The following GLIPR1L2 variants were observed in gnomAD, a reference collection of about 807,000 sequenced individuals.
GLIPR1L2 encodes GLIPR1 like 2, also known as GLIPR1-like protein 2.
GLIPR1L2 carries 21 observed loss-of-function variants against 28.4 expected under a neutral mutation model. The ratio of observed to expected loss-of-function variants is 0.74; its 90% CI spans 0.52 to 1.06. The LOEUF (loss-of-function observed/expected upper bound fraction) is 1.06. GLIPR1L2 is among the 50% of genes least tolerant of loss of function. The pLI is 0.00. For synonymous variants in GLIPR1L2, 145 were observed against 139.3 expected, an observed-to-expected ratio of 1.04 and a Z score of -0.29; for missense variants, 476 against 416.9, an observed-to-expected ratio of 1.14 and a Z score of -1.23.
intron 3 of GLIPR1L2, among the ~76,000 whole-genome samples, chr12:75,419,738 C>G (rs1043685866): frequency 3.3e-5 from 5 of 152,054 alleles, no homozygotes; most frequent in African/African-American, 1.2e-4. Flanking sequence ...GGGAGGAGAC[C>G]CAGCCAACAA....
intron 3 of GLIPR1L2, among the ~76,000 whole-genome samples, chr12:75,414,069 G>A (rs931592578): frequency 6.6e-6 from 1 of 151,986 alleles, no homozygotes; most frequent in Non-Finnish European, 1.5e-5. Flanking sequence ...GAATATGTCA[G>A]TTTTGTAACA....
chr12:75,423,163 G>T, intron 4 of GLIPR1L2, 174 bp downstream of exon 4: 1 of 1,470,374 alleles, frequency 6.8e-7, no homozygotes, highest in South Asian at 1.5e-5. Context: ...TTTCTAAACT[G>T]CAGAGCTTTT....
chr12:75,424,669 C>G (rs1042892761), intron 4 of GLIPR1L2, among the ~76,000 whole-genome samples: 1 of 151,602 alleles, frequency 6.6e-6, no homozygotes, highest in Non-Finnish European at 1.5e-5. Flanking sequence ...AGGCTGGTCT[C>G]AAACTCCTGG....
chr12:75,413,299 A>C (rs1479466954), intron 2 of GLIPR1L2, among the ~76,000 whole-genome samples: 2 of 151,704 alleles, frequency 1.3e-5, no homozygotes, highest in African/African-American at 4.8e-5. Context: ...TACATATGTA[A>C]CAAACCTGCA....
At chr12:75,426,124 C>A (rs560795353) in intron 4 of GLIPR1L2, among the ~76,000 whole-genome samples, 11 of 152,026 alleles carry the variant, frequency 7.2e-5, no homozygotes, top group Non-Finnish European at 1.5e-4. Context: ...TTACTTGAAT[C>A]TTAAACATTG....
chr12:75,407,618 T>C (rs2045817684), intron 1 of GLIPR1L2, among the ~76,000 whole-genome samples: 1 of 152,138 alleles, frequency 6.6e-6, no homozygotes, highest in South Asian at 2.1e-4. Context: ...AAATTATCTT[T>C]TCTATAATTG....
chr12:75,402,943 C>T (rs1474361883), intron 1 of GLIPR1L2: 4 of 454,584 alleles, frequency 8.8e-6, no homozygotes, highest in African/African-American at 6.0e-5. Flanking sequence ...ATAGTCTTGC[C>T]ACCTACCACA....
At position 75,431,146 on chromosome 12, in the gene GLIPR1L2, G is replaced by A. The variant is rs1320128179; in HGVS notation, c.1020G>A (p.Glu340=). 1.3e-6 allele frequency: 1 copy of A among 780,600 alleles called. No individual in the cohort carries two copies. The highest frequency in any genetic ancestry group is 2.1e-6 in the Non-Finnish European group (1 of 476,318). 48.4% of individuals were successfully genotyped at this position (780,600 alleles called of 1,614,324 possible). A position where few individuals can be genotyped will look rare whatever the true frequency, so the allele number is the denominator to read the frequency against. ...AGGAAACACAAAAAGAAAAGATGGA[G>A]GAAGAGGAAAAATAAGAGTAGAAAG... is the stretch of plus-strand genomic sequence containing the variant. ...EEEETQKEKM[E]EEEK Residue 340 remains glutamate (E), a synonymous_variant, in exon 6 of 6, where the codon GAG becomes GAA. Coordinates refer to ENST00000550916, the MANE Select transcript of GLIPR1L2 (RefSeq NM_001270396.2).
chr12:75,403,418 G>A (rs1373892866), intron 1 of GLIPR1L2, among the ~76,000 whole-genome samples: 1 of 152,050 alleles, frequency 6.6e-6, no homozygotes, highest in Non-Finnish European at 1.5e-5. Flanking sequence ...CTGGACATTT[G>A]TCTTGGCTTC....
intron 2 of GLIPR1L2, among the ~76,000 whole-genome samples, chr12:75,413,163 G>A (rs1415827402): frequency 2.0e-5 from 3 of 150,616 alleles, no homozygotes; most frequent in African/African-American, 4.9e-5. Context: ...CATGGACACA[G>A]GAAGGGGAAC....
chr12:75,391,463 A>C, intron 1 of GLIPR1L2, 113 bp downstream of exon 1: 1 of 1,572,054 alleles, frequency 6.4e-7, no homozygotes, highest in Non-Finnish European at 8.6e-7. Flanking sequence ...GGAGAACCGC[A>C]CTTTTAGCTT....
In GLIPR1L2 at chr12:75,411,889, T is replaced by C. The variant is rs1175493129; in HGVS notation, c.480+1210T>C. Among the ~76,000 whole-genome samples the C allele has an allele frequency of 2.0e-5, 3 of 152,026 alleles. No individual in the cohort carries two copies. In the East Asian group the frequency reaches 5.8e-4, roughly 29 times the overall value. On this transcript the variant is annotated intron_variant, in intron 2 of 5. Transcript: ENST00000550916. ...GTACTTTTTGGTTCACTTGGAAGTA[T>C]TAGAAATATTAAAGTTTTACAGATA...
chr12:75,405,304 A>G (rs886359730), intron 1 of GLIPR1L2, among the ~76,000 whole-genome samples: 4 of 152,192 alleles, frequency 2.6e-5, no homozygotes, highest in African/African-American at 9.6e-5. Context: ...TACAACAGTT[A>G]CTACTGTTAC....
At chr12:75,399,822 A>G (rs1428911649) in intron 1 of GLIPR1L2, among the ~76,000 whole-genome samples, 1 of 152,200 alleles carries the variant, frequency 6.6e-6, no homozygotes, top group Non-Finnish European at 1.5e-5. Context: ...ACTGGTGTGA[A>G]AGCAAAATGA....
intron 2 of GLIPR1L2, among the ~76,000 whole-genome samples, chr12:75,411,852 CAA>C (rs1269525976): frequency 6.6e-6 from 1 of 151,826 alleles, no homozygotes. Context: ...CAGAGGTTAA[CAA>C]AACAAAACAG....
chr12:75,413,848 G>A, intron 3 of GLIPR1L2, 147 bp downstream of exon 3: 1 of 459,900 alleles, frequency 2.2e-6, no homozygotes, highest in Non-Finnish European at 3.8e-6. Context: ...ATTTTATAAT[G>A]AAATAAGTCT....
chr12:75,405,384 T>C (rs769566954), intron 1 of GLIPR1L2, among the ~76,000 whole-genome samples: 6 of 152,038 alleles, frequency 3.9e-5, no homozygotes, highest in Non-Finnish European at 7.4e-5. Context: ...AGAAACTGTT[T>C]TGAAGGAAGG....
intron 1 of GLIPR1L2, 46 bp from the exon 2 acceptor site, chr12:75,410,388 A>C: frequency 1.4e-6 from 2 of 1,394,460 alleles, no homozygotes; most frequent in Middle Eastern, 3.9e-4. Flanking sequence ...TTTAGACTAC[A>C]AAAAAAAACT....
chr12:75,418,480 T>G (rs539898592), intron 3 of GLIPR1L2, among the ~76,000 whole-genome samples: 1 of 152,168 alleles, frequency 6.6e-6, no homozygotes, highest in South Asian at 2.1e-4. Flanking sequence ...AATTATTTAT[T>G]AAATAGAGAA....
Sources: allele counts gnomAD v4.1 joint callset (sites outside exome capture counted in the v4.1 genomes callset), GRCh38; gene constraint gnomAD v4.1.1; transcripts MANE v1.5; gene names NCBI Gene and HGNC (gene_info 2026-07-23, HGNC 2026-07-21).